Variants in MAML3 observed in about 807,000 individuals in gnomAD.
MAML3 encodes mastermind like transcriptional coactivator 3.
Under a neutral mutation model 101.9 loss-of-function variants are expected in MAML3, and 27 were observed. The observed-to-expected ratio is 0.27, with a 90% CI of 0.20 to 0.37. The LOEUF is 0.37. Ranked by LOEUF, MAML3 falls within the 10% of genes least tolerant of loss-of-function variation. The pLI, the probability that MAML3 is intolerant of heterozygous loss-of-function variation, is 1.00. For synonymous variants in MAML3, 501 were observed against 555.9 expected (o/e 0.90, Z 1.39); for missense variants, 1,316 against 1,444.9 (o/e 0.91, Z 1.45).
chr4:140,017,966 C>T (rs1436250366), intron 1 of MAML3, among the ~76,000 whole-genome samples: 1 of 151,698 alleles, frequency 6.6e-6, no homozygotes, highest in African/African-American at 2.4e-5. Flanking sequence ...TCATGCCTTA[C>T]AACTGCATGT....
rs1727393031 is a variant in MAML3, at chr4:140,058,607, TTAG to T, written c.468+94250_468+94252del. Among the ~76,000 whole-genome samples, 8 of 136,328 alleles carry T rather than the reference TTAG, an allele frequency of 5.9e-5. No individual in the cohort carries two copies. In the South Asian group the frequency reaches 1.9e-3, roughly 33 times the overall value. The allele number at this position is 136,328 out of a possible 152,430, so 89.4% of individuals were successfully genotyped here. A position where few individuals can be genotyped will look rare whatever the true frequency, so the allele number is the denominator to read the frequency against. On this transcript the variant is annotated intron_variant, in intron 1 of 4. Coordinates refer to ENST00000509479, the MANE Select transcript of MAML3 (RefSeq NM_018717.5). ...GGCATTATTGTTAATCTATATTTTC[TTAG>T]TATTTGTATCTTGCCTGTCTCAGTT...
rs1490941739 is a variant in MAML3 at position 139,802,114 on chromosome 4, G to T, written c.2080-71447C>A. On this transcript the variant is annotated intron_variant, in intron 2 of 4. Coordinates refer to ENST00000509479, the MANE Select transcript of MAML3 (RefSeq NM_018717.5). ...TTCTAAATTCCAGAGTCTAGTGAAG[G>T]GGGAGAGCTCTAACTCTCCAGCTCC... Among the ~76,000 whole-genome samples the T allele has an allele frequency of 2.0e-5, 3 of 152,112 alleles. No individual in the cohort carries two copies. The East Asian group carries it at 5.8e-4, about 29-fold the overall frequency.
intron 2 of MAML3, among the ~76,000 whole-genome samples, chr4:139,758,305 T>TCAG (rs1239458879): frequency 6.6e-6 from 1 of 152,212 alleles, no homozygotes; most frequent in Non-Finnish European, 1.5e-5. Flanking sequence ...GCCTTCCTAC[T>TCAG]CAGCAGATGT....
At chr4:139,975,146 C>T (rs148014273) in intron 1 of MAML3, among the ~76,000 whole-genome samples, 218 of 152,226 alleles carry the variant, frequency 1.4e-3, no homozygotes, top group African/African-American at 4.8e-3. Context: ...AAAGTCCTTG[C>T]AAGGGCTTGC....
intron 2 of MAML3, among the ~76,000 whole-genome samples, chr4:139,780,556 T>C (rs1259380452): frequency 1.3e-5 from 2 of 152,136 alleles, no homozygotes; most frequent in African/African-American, 4.8e-5. Context: ...TGAGTAATCC[T>C]TGAAAAAACT....
chr4:139,969,542 G>A (rs1414130898), intron 1 of MAML3, among the ~76,000 whole-genome samples: 2 of 152,084 alleles, frequency 1.3e-5, no homozygotes, highest in Non-Finnish European at 2.9e-5. Flanking sequence ...TTTCATTTGG[G>A]TATTAAAATG....
intron 2 of MAML3, among the ~76,000 whole-genome samples, chr4:139,773,443 G>C (rs1260157008): frequency 6.6e-6 from 1 of 152,192 alleles, no homozygotes; most frequent in Non-Finnish European, 1.5e-5. Context: ...GAGGATAAAT[G>C]CTTGACTGTG....
rs916464656 is a variant in MAML3, at chr4:139,790,345, C to T, written c.2080-59678G>A. 1.2e-4 allele frequency among the ~76,000 whole-genome samples: 18 copies of T among 149,160 alleles called. No homozygotes were observed. In the East Asian group the frequency reaches 3.5e-3, roughly 29 times the overall value. ...TAAAAAAATTTCCTGAGTAATCTTTCTTTTTTTGCTTTATGTACAGAACAA... is the reference window on the plus strand; with the variant it reads ...TAAAAAAATTTCCTGAGTAATCTTTTTTTTTTTGCTTTATGTACAGAACAA... On this transcript the variant is annotated intron_variant, in intron 2 of 4. Coordinates refer to ENST00000509479, the MANE Select transcript of MAML3 (RefSeq NM_018717.5).
At chr4:140,057,202 G>C (rs1327153018) in intron 1 of MAML3, among the ~76,000 whole-genome samples, 1 of 152,196 alleles carries the variant, frequency 6.6e-6, no homozygotes, top group East Asian at 1.9e-4. Flanking sequence ...CTTGAGCTCA[G>C]AAGTTCAAGG....
chr4:139,826,448 A>C (rs1731062367), intron 2 of MAML3, among the ~76,000 whole-genome samples: 1 of 152,230 alleles, frequency 6.6e-6, no homozygotes, highest in Non-Finnish European at 1.5e-5. Flanking sequence ...TATGAACACG[A>C]ATCGCATAAC....
intron 1 of MAML3, among the ~76,000 whole-genome samples, chr4:140,142,412 G>A (rs1198071741): frequency 1.3e-5 from 2 of 152,098 alleles, no homozygotes; most frequent in Admixed American, 1.3e-4. Context: ...TTCCTCCTAT[G>A]TACATGTAGG....
At chr4:139,733,562 A>G (rs867676081) in intron 2 of MAML3, among the ~76,000 whole-genome samples, 7 of 152,008 alleles carry the variant, frequency 4.6e-5, no homozygotes, top group African/African-American at 7.2e-5. Context: ...AGTGTGAAAA[A>G]AAAAAAAAAA....
chr4:139,944,606 AAAAC>A (rs1206354257), intron 1 of MAML3, among the ~76,000 whole-genome samples: 1 of 151,988 alleles, frequency 6.6e-6, no homozygotes, highest in Admixed American at 6.6e-5. Context: ...TTACAAGAAA[AAAAC>A]AAACAACCCC....
chr4:139,831,941 C>T (rs573841307), intron 2 of MAML3, among the ~76,000 whole-genome samples: 224 of 151,558 alleles, frequency 1.5e-3, no homozygotes, highest in African/African-American at 5.1e-3. Context: ...TACAGGCACC[C>T]GCCACCACGC....
At chr4:139,853,801 C>T (rs1486485566) in intron 2 of MAML3, among the ~76,000 whole-genome samples, 1 of 151,878 alleles carries the variant, frequency 6.6e-6, no homozygotes, top group Non-Finnish European at 1.5e-5. Flanking sequence ...AGCTATGAGA[C>T]CTTGGATAAA....
intron 1 of MAML3, among the ~76,000 whole-genome samples, chr4:140,008,630 T>A (rs998263237): frequency 6.6e-6 from 1 of 152,232 alleles, no homozygotes; most frequent in Admixed American, 6.5e-5. Flanking sequence ...TGCCTTTATA[T>A]TGATTTTCAG....
rs147021650 is a variant in MAML3 at position 139,914,956 on chromosome 4, G to GT, written c.469-23990dup. Among the ~76,000 whole-genome samples, 639 of 151,306 alleles carry GT rather than the reference G, an allele frequency of 4.2e-3. 6 individuals are homozygous for GT. The highest frequency in any genetic ancestry group is 0.014 in the Middle Eastern group (4 of 294). On this transcript the variant is annotated intron_variant, in intron 1 of 4. Transcript: ENST00000509479. ...AGCCAACTTGAATATCAAAAGTCAG[G>GT]TTTTTTTTTCTCTGATGTGATTTTA...
At chr4:139,944,790 C>T (rs2110746028) in intron 1 of MAML3, among the ~76,000 whole-genome samples, 1 of 145,490 alleles carries the variant, frequency 6.9e-6, no homozygotes, top group African/African-American at 2.6e-5. Flanking sequence ...ATTAAAAAGT[C>T]AGGAAACAAC....
At chr4:139,861,512 G>C (rs987143827) in intron 2 of MAML3, among the ~76,000 whole-genome samples, 1 of 66,550 alleles carries the variant, frequency 1.5e-5, no homozygotes, top group Non-Finnish European at 3.1e-5. Context: ...TGTGTGTGTA[G>C]TCTCACAGGC....
Sources: allele counts gnomAD v4.1 joint callset (sites outside exome capture counted in the v4.1 genomes callset), GRCh38; gene constraint gnomAD v4.1.1; transcripts MANE v1.5; gene names NCBI Gene and HGNC (gene_info 2026-07-23, HGNC 2026-07-21).